KCNAB2: variants seen among roughly 807,000 people sequenced by gnomAD.
KCNAB2 encodes the protein potassium voltage-gated channel subfamily A regulatory beta subunit 2.
A neutral mutation model predicts 63.6 loss-of-function variants in KCNAB2; 29 were observed. The observed-to-expected ratio is 0.46, with a 90% CI of 0.34 to 0.62. The LOEUF (loss-of-function observed/expected upper bound fraction) is 0.62. Among genes scored for constraint, KCNAB2 ranks in the 20% least tolerant of loss-of-function variants. KCNAB2 has a pLI of 0.01. For synonymous variants in KCNAB2, 222 were observed against 224.2 expected (o/e 0.99, Z 0.09); for missense variants, 359 against 563.9 (o/e 0.64, Z 3.68).
In KCNAB2 at chr1:6,073,726, C is replaced by T. The variant is rs376426842; in HGVS notation, c.263-7C>T. 1.7e-4 allele frequency: 277 copies of T among 1,614,064 alleles called. No homozygotes were observed. Among genetic ancestry groups the T allele is most frequent in the Non-Finnish European group, 2.3e-4 (274 of 1,180,010 alleles). On this transcript the variant is annotated splice_region_variant and splice_polypyrimidine_tract_variant and intron_variant, in intron 3 of 15. Transcript: ENST00000378083. This position sits in a 1 kb window ranked among gnomAD's most constrained non-coding sequence, Gnocchi z 5.7. ...TTCCTAACTTGAGCCCCTGTGTCTCCTTCCAGGAACATGGGTGACCTTCGG... is the reference window on the plus strand; with the variant it reads ...TTCCTAACTTGAGCCCCTGTGTCTCTTTCCAGGAACATGGGTGACCTTCGG...
chr1:6,053,325 C>T (rs1247282016), intron 2 of KCNAB2, among the ~76,000 whole-genome samples: 1 of 152,178 alleles, frequency 6.6e-6, no homozygotes, highest in Non-Finnish European at 1.5e-5. Context: ...GATCCTGGAG[C>T]TGCTGCATGA....
In KCNAB2 at chr1:5,995,349, T is replaced by C. The variant is rs565313305; in HGVS notation, c.-53+2561T>C. On this transcript the variant is annotated intron_variant, in intron 1 of 16. Coordinates refer to the KCNAB2 transcript ENST00000341524. ...CAACAGAGGCAGTGACGGAGCTGGG[T>C]TGGACCCCCTACTTCCTACTTATTT... Among the ~76,000 whole-genome samples, 15 of 152,286 alleles carry C rather than the reference T, an allele frequency of 9.8e-5. No individual in the cohort carries two copies. In the East Asian group the frequency reaches 2.9e-3, roughly 29 times the overall value.
intron 1 of KCNAB2, among the ~76,000 whole-genome samples, chr1:6,012,948 G>GGGCCT (rs1162996123): frequency 9.9e-5 from 15 of 152,152 alleles, no homozygotes; most frequent in Admixed American, 2.0e-4. Context: ...ATATAAGCCT[G>GGGCCT]GGCCTGTGCA....
chr1:6,045,642 G>A (rs1320282428), upstream of KCNAB2, among the ~76,000 whole-genome samples: 1 of 152,220 alleles, frequency 6.6e-6, no homozygotes, highest in Non-Finnish European at 1.5e-5. This position sits in a 1 kb window ranked among gnomAD's most constrained non-coding sequence, Gnocchi z 4.8. Context: ...GTGGGTGGTG[G>A]CCCCATACGA....
upstream of KCNAB2, among the ~76,000 whole-genome samples, chr1:6,033,408 A>G (rs562549884): frequency 2.0e-5 from 3 of 149,428 alleles, no homozygotes; most frequent in African/African-American, 7.4e-5. Context: ...GTGTGCCTGT[A>G]TGTGTGCATG....
intron 1 of KCNAB2, among the ~76,000 whole-genome samples, chr1:6,014,429 T>C (rs191935607): frequency 6.6e-6 from 1 of 152,194 alleles, no homozygotes; most frequent in Non-Finnish European, 1.5e-5. Context: ...ACAAGTGAGG[T>C]TTAAAAATAC....
At chr1:6,047,387 G>A (rs142934574) in intron 1 of KCNAB2, among the ~76,000 whole-genome samples, 2,312 of 152,264 alleles carry the variant, frequency 0.015, 27 homozygotes, top group Non-Finnish European at 0.023. Context: ...CCCAGGCACC[G>A]CTGGTAACGG....
intron 2 of KCNAB2, among the ~76,000 whole-genome samples, chr1:6,061,864 A>G (rs1392782911): frequency 1.3e-5 from 2 of 152,252 alleles, no homozygotes; most frequent in Admixed American, 6.5e-5. Context: ...AATAGCAAAT[A>G]TGGGGAAAAT....
intron 1 of KCNAB2, among the ~76,000 whole-genome samples, chr1:6,014,187 G>T (rs1377583067): frequency 6.6e-6 from 1 of 152,220 alleles, no homozygotes; most frequent in Non-Finnish European, 1.5e-5. Flanking sequence ...ACAGCCCAGG[G>T]CTGCTGCTCA....
upstream of KCNAB2, among the ~76,000 whole-genome samples, chr1:6,032,822 T>A (rs1659730483): frequency 6.6e-6 from 1 of 152,008 alleles, no homozygotes; most frequent in South Asian, 2.1e-4. Context: ...GAAGCTACAA[T>A]CAGACAAATC....
chr1:6,045,657 G>A (rs945677281), upstream of KCNAB2, among the ~76,000 whole-genome samples: 10 of 152,190 alleles, frequency 6.6e-5, no homozygotes, highest in Admixed American at 2.6e-4. This position sits in a 1 kb window ranked among gnomAD's most constrained non-coding sequence, Gnocchi z 4.8. Context: ...ATACGACGGG[G>A]CCCCCAGCTC....
At position 6,098,579 on chromosome 1, in the gene KCNAB2, C is replaced by T. The variant is rs768771981; in HGVS notation, c.*5C>T. 1.4e-5 allele frequency: 22 copies of T among 1,613,146 alleles called. No homozygotes were observed. Among genetic ancestry groups the T allele is most frequent in the African/African-American group, 2.7e-5 (2 of 74,920 alleles). On this transcript the variant is annotated 3_prime_UTR_variant, in exon 16 of 16. Transcript: ENST00000378083. ...AAAAAGGACTACAGATCCTAAGCCG[C>T]CCCCGCCCGCCTGCTCGGACAGTTT...
chr1:6,052,811 A>G (rs935755802), intron 2 of KCNAB2, among the ~76,000 whole-genome samples: 8 of 152,214 alleles, frequency 5.3e-5, no homozygotes, highest in Non-Finnish European at 8.8e-5. Context: ...ACTTTTTAGC[A>G]TAAATACGTT....
rs1268217636 is a variant in KCNAB2, at chr1:6,095,451, C to T, written c.853+8C>T. On this transcript the variant is annotated splice_region_variant and intron_variant, in intron 12 of 15. Transcript: ENST00000378083. ...AGCTGTTCCACAAGATAGGTGGGCA[C>T]CCTCGGGCCCCTCGCCCCGCCCCAC... 1.9e-6 allele frequency: 3 copies of T among 1,612,616 alleles called. No homozygotes were observed. Among genetic ancestry groups the T allele is most frequent in the Admixed American group, 1.7e-5 (1 of 59,994 alleles).
chr1:6,045,852 C>T (rs1206032551), upstream of KCNAB2: 2 of 973,230 alleles, frequency 2.1e-6, no homozygotes, highest in African/African-American at 1.8e-5. This position sits in a 1 kb window ranked among gnomAD's most constrained non-coding sequence, Gnocchi z 4.8. Flanking sequence ...GGACCTCCCC[C>T]TCACCTTGGG....
chr1:6,000,047 C>T (rs988033378), intron 1 of KCNAB2, among the ~76,000 whole-genome samples: 1 of 151,906 alleles, frequency 6.6e-6, no homozygotes, highest in Non-Finnish European at 1.5e-5. Flanking sequence ...CCGTCTGCAC[C>T]TTGTCTGTGC....
At chr1:6,044,858 A>T (rs1286974763), upstream of KCNAB2, among the ~76,000 whole-genome samples, 2 of 152,210 alleles carry the variant, frequency 1.3e-5, no homozygotes, top group Admixed American at 6.5e-5. Context: ...AGCCACGTCC[A>T]CAGGGCTTGG....
chr1:6,015,016 CTT>C (rs34742623), intron 1 of KCNAB2, among the ~76,000 whole-genome samples: 64 of 82,794 alleles, frequency 7.7e-4, no homozygotes, highest in African/African-American at 2.5e-3. Context: ...GGTCACCTTC[CTT>C]TTTTTTTTTT....
At position 6,078,446 on chromosome 1, in the gene KCNAB2, G is replaced by A. The variant is rs1009621679; in HGVS notation, c.301-3749G>A. Among the ~76,000 whole-genome samples, 12 of 152,134 alleles carry A rather than the reference G, an allele frequency of 7.9e-5. No individual in the cohort carries two copies. Among genetic ancestry groups the A allele is most frequent in the Non-Finnish European group, 1.8e-4 (12 of 68,030 alleles). ...AGAAAGTAGAAAAAGGAGGGCAGGG[G>A]GGCGGGGGTCCTGACGACAGGGTGG... On this transcript the variant is annotated intron_variant, in intron 4 of 15. Coordinates refer to ENST00000378083, the MANE Select transcript of KCNAB2 (RefSeq NM_001199862.2). This position sits in a 1 kb window ranked among gnomAD's most constrained non-coding sequence, Gnocchi z 4.2.
Sources: gnomAD v4.1 joint callset for allele counts (sites outside exome capture counted in the v4.1 genomes callset) on GRCh38, gnomAD v4.1.1 for gene constraint, Gnocchi (gnomAD v3.1) non-coding constraint, MANE v1.5 for transcripts, NCBI Gene and HGNC (gene_info 2026-07-23, HGNC 2026-07-21) for gene names.